Variants in NFIX observed in about 807,000 individuals in gnomAD.
NFIX encodes the protein nuclear factor 1 X-type.
Under a neutral mutation model 53.3 loss-of-function variants are expected in NFIX, and 2 were observed. The observed-to-expected ratio is 0.04, with a 90% CI of 0.02 to 0.12. The LOEUF is 0.12. NFIX is among the 10% of genes least tolerant of loss of function. NFIX has a pLI of 1.00. For synonymous variants in NFIX, 244 were observed against 289.0 expected (o/e 0.84, Z 1.58); for missense variants, 310 against 674.5 (o/e 0.46, Z 5.99).
chr19:13,080,825 C>G (rs538033579), intron 7 of NFIX, among the ~76,000 whole-genome samples: 1 of 150,794 alleles, frequency 6.6e-6, no homozygotes, highest in African/African-American at 2.4e-5. Context: ...ACGGTGAAAC[C>G]CTGTCTCTAC....
At chr19:13,074,462 TC>T (rs1391289607) in intron 5 of NFIX, among the ~76,000 whole-genome samples, 1 of 152,192 alleles carries the variant, frequency 6.6e-6, no homozygotes, top group African/African-American at 2.4e-5. Context: ...TTAGACTTCA[TC>T]CCTGGGTAGT....
chr19:13,085,069 CAAA>C (rs555726363), intron 8 of NFIX, among the ~76,000 whole-genome samples: 3 of 54,934 alleles, frequency 5.5e-5, no homozygotes, highest in African/African-American at 1.9e-4. Flanking sequence ...GACTCCATCT[CAAA>C]AAAAAAAAAA....
At chr19:13,082,879 C>G (rs1003284631) in intron 8 of NFIX, among the ~76,000 whole-genome samples, 2 of 152,378 alleles carry the variant, frequency 1.3e-5, no homozygotes, top group African/African-American at 2.4e-5. Flanking sequence ...GAAGCCCACA[C>G]CAGAGGCTGC....
In NFIX at chr19:13,052,697, G is replaced by C. The variant is rs1482633091; in HGVS notation, c.560-20350G>C. Among the ~76,000 whole-genome samples, 3 of 152,122 alleles carry C rather than the reference G, an allele frequency of 2.0e-5. No homozygotes were observed. Among genetic ancestry groups the C allele is most frequent in the African/African-American group, 7.2e-5 (3 of 41,398 alleles). ...CTTAACCCTGCCGATTCCATATACT[G>C]TGCTCATCTCGACCCAGTTGAGGCT... On this transcript the variant is annotated intron_variant, in intron 2 of 10. Transcript: ENST00000592199. The surrounding 1 kb of genome is among the most constrained non-coding windows in gnomAD (Gnocchi z 5.2).
chr19:13,086,817 T>A (rs1315438101), intron 8 of NFIX, among the ~76,000 whole-genome samples: 2 of 152,174 alleles, frequency 1.3e-5, no homozygotes, highest in African/African-American at 4.8e-5. Flanking sequence ...GGGAGCCCCA[T>A]ACACCAGCTC....
rs575732539 is a variant in NFIX, at chr19:13,078,844, C to G, written c.1078+109C>G. ...GCTGACCCCGAGTGACAGCCCCACG[C>G]TCTCCAAGTGGGCCAAGGTGCAGCA... On this transcript the variant is annotated intron_variant, in intron 7 of 10. Transcript: ENST00000592199. This position sits in a 1 kb window ranked among gnomAD's most constrained non-coding sequence, Gnocchi z 4.7. 2.8e-5 allele frequency: 37 copies of G among 1,300,866 alleles called. No homozygotes were observed. Among genetic ancestry groups the G allele is most frequent in the Non-Finnish European group, 3.7e-5 (36 of 965,956 alleles). The allele number at this position is 1,300,866 out of a possible 1,614,324, so 80.6% of individuals were successfully genotyped here. A position where few individuals can be genotyped will look rare whatever the true frequency, so the allele number is the denominator to read the frequency against.
At chr19:12,999,470 C>T (rs2011594948) in intron 1 of NFIX, among the ~76,000 whole-genome samples, 1 of 142,736 alleles carries the variant, frequency 7.0e-6, no homozygotes, top group Non-Finnish European at 1.5e-5. Flanking sequence ...CTGCACCCGG[C>T]CACAAATACC....
In NFIX at chr19:13,012,933, T is replaced by C. The variant is rs539164323; in HGVS notation, c.28-12088T>C. Among the ~76,000 whole-genome samples the C allele has an allele frequency of 6.7e-6, 1 of 148,710 alleles. No individual in the cohort carries two copies. Among genetic ancestry groups the C allele is most frequent in the South Asian group, 2.2e-4 (1 of 4,580 alleles). On this transcript the variant is annotated intron_variant, in intron 1 of 10. Transcript: ENST00000592199. This position sits in a 1 kb window ranked among gnomAD's most constrained non-coding sequence, Gnocchi z 5.0. ...AAATTTACCAGGGGAGATTTTTGTT[T>C]CCAGGGTTGGCTGGGTTTGGGGGAT...
chr19:13,078,741 A>C lies in NFIX; in HGVS notation c.1078+6A>C. The C allele has an allele frequency of 6.3e-7, 1 of 1,596,984 alleles. No homozygotes were observed. The highest frequency in any genetic ancestry group is 8.5e-7 in the Non-Finnish European group (1 of 1,172,562). On this transcript the variant is annotated splice_donor_region_variant and intron_variant, in intron 7 of 10. Coordinates refer to ENST00000592199, the MANE Select transcript of NFIX (RefSeq NM_001365902.3). This position sits in a 1 kb window ranked among gnomAD's most constrained non-coding sequence, Gnocchi z 4.7. ...GCTTGCTGGAGTCAGACCAGGTGAG[A>C]AATGGGGGGCCCCGGAGGGGGGCAG...
In NFIX at chr19:13,002,007, T is replaced by C. The variant is rs562684212; in HGVS notation, c.27+6143T>C. ...CTGTCTGCCCGGCGCACATTGATCT[T>C]GGCTTCTGCCTGTGTCCGTTCTAGC... is the stretch of plus-strand genomic sequence containing the variant. On this transcript the variant is annotated intron_variant, in intron 1 of 10. Coordinates refer to ENST00000592199, the MANE Select transcript of NFIX (RefSeq NM_001365902.3). This position sits in a 1 kb window ranked among gnomAD's most constrained non-coding sequence, Gnocchi z 6.1. Among the ~76,000 whole-genome samples the C allele has an allele frequency of 2.0e-5, 3 of 152,230 alleles. No homozygotes were observed. The South Asian group carries it at 6.2e-4, about 32-fold the overall frequency.
rs532642827 is a variant in NFIX, at chr19:13,013,599, T to A, written c.28-11422T>A. The A allele has an allele frequency of 8.6e-5, 13 of 151,720 alleles. No individual in the cohort carries two copies. Among genetic ancestry groups the A allele is most frequent in the African/African-American group, 2.4e-4 (10 of 41,338 alleles). 9.4% of individuals were successfully genotyped at this position (151,720 alleles called of 1,614,324 possible). Reference sequence around the variant, plus strand: ...CCCGCCCCAAGCTCCCAGACCACACTTAGCTTTTTTTTTCCCCCCTTACTC... The same window carrying A: ...CCCGCCCCAAGCTCCCAGACCACACATAGCTTTTTTTTTCCCCCCTTACTC... On this transcript the variant is annotated intron_variant, in intron 1 of 10. Coordinates refer to ENST00000592199, the MANE Select transcript of NFIX (RefSeq NM_001365902.3). The surrounding 1 kb of genome is among the most constrained non-coding windows in gnomAD (Gnocchi z 5.9).
At position 13,052,766 on chromosome 19, in the gene NFIX, G is replaced by A. The variant is rs1011239329; in HGVS notation, c.560-20281G>A. Among the ~76,000 whole-genome samples the A allele has an allele frequency of 3.9e-5, 6 of 152,178 alleles. No individual in the cohort carries two copies. Among genetic ancestry groups the A allele is most frequent in the African/African-American group, 1.2e-4 (5 of 41,432 alleles). The stretch of plus-strand genomic sequence containing the variant: ...GAACGGCTCGGCTCCAGGGCCGTGA[G>A]GTTGGCACCCCCTGCACCCGTCCAC... On this transcript the variant is annotated intron_variant, in intron 2 of 10. Transcript: ENST00000592199. The surrounding 1 kb of genome is among the most constrained non-coding windows in gnomAD (Gnocchi z 5.2).
chr19:13,031,167 C>T (rs2013773132), intron 2 of NFIX, among the ~76,000 whole-genome samples: 1 of 152,212 alleles, frequency 6.6e-6, no homozygotes, highest in South Asian at 2.1e-4. Context: ...TAGTGCTGTC[C>T]ACCCAACCAG....
chr19:13,093,697 C>G lies in NFIX; in HGVS notation c.1495-938C>G, dbSNP rs1244373200. Among the ~76,000 whole-genome samples the G allele has an allele frequency of 6.6e-6, 1 of 152,226 alleles. No individual in the cohort carries two copies. The highest frequency in any genetic ancestry group is 1.5e-5 in the Non-Finnish European group (1 of 68,032). On this transcript the variant is annotated intron_variant, in intron 10 of 10. Transcript: ENST00000592199. The surrounding 1 kb of genome is among the most constrained non-coding windows in gnomAD (Gnocchi z 4.7). Reference sequence around the variant, plus strand: ...TTGGCTCCGCCTGGCCCCTGCAGACCAGAGTCTGTGACAGCCTGGGAGAGG... The same window carrying G: ...TTGGCTCCGCCTGGCCCCTGCAGACGAGAGTCTGTGACAGCCTGGGAGAGG...
In NFIX at chr19:13,094,700, G is replaced by A. The variant is rs570936824; in HGVS notation, c.*51G>A. The A allele has an allele frequency of 6.6e-6, 10 of 1,521,624 alleles. No homozygotes were observed. Among genetic ancestry groups the A allele is most frequent in the Admixed American group, 5.9e-5 (3 of 50,782 alleles). The allele number at this position is 1,521,624 out of a possible 1,614,324, so 94.3% of individuals were successfully genotyped here. Reference sequence around the variant, plus strand: ...ATGAGAAGAAGAGGTTCCTCGAAAGGGGGGAGAAGAAATTTTGAGAATGGA... The same window carrying A: ...ATGAGAAGAAGAGGTTCCTCGAAAGAGGGGAGAAGAAATTTTGAGAATGGA... On this transcript the variant is annotated 3_prime_UTR_variant, in exon 11 of 11. Coordinates refer to ENST00000592199, the MANE Select transcript of NFIX (RefSeq NM_001365902.3). The surrounding 1 kb of genome is among the most constrained non-coding windows in gnomAD (Gnocchi z 4.3).
rs1004622569 is a variant in NFIX, at chr19:13,021,714, A to G, written c.28-3307A>G. On this transcript the variant is annotated intron_variant, in intron 1 of 10. Transcript: ENST00000592199. The surrounding 1 kb of genome is among the most constrained non-coding windows in gnomAD (Gnocchi z 4.2). ...TTACTGTGTTTCGAAGGCCTCAAGCATGGCTGCTCCATAGCTCTAACTGGA... is the reference window on the plus strand; with the variant it reads ...TTACTGTGTTTCGAAGGCCTCAAGCGTGGCTGCTCCATAGCTCTAACTGGA... 1.3e-5 allele frequency among the ~76,000 whole-genome samples: 2 copies of G among 152,024 alleles called. No individual in the cohort carries two copies. The highest frequency in any genetic ancestry group is 2.4e-5 in the African/African-American group (1 of 41,364).
chr19:13,092,780 GCCCAGGAGCTGGCTGCGGGCCGGTTCT>G (rs2018220495), intron 10 of NFIX, among the ~76,000 whole-genome samples: 1 of 152,246 alleles, frequency 6.6e-6, no homozygotes, highest in Non-Finnish European at 1.5e-5. Flanking sequence ...TGGGCCAGAA[GCCCAGGAGCTGGCTGCGGGCCGGTTCT>G]CCCCCACCCA....
intron 2 of NFIX, among the ~76,000 whole-genome samples, chr19:13,061,667 G>A (rs2016103017): frequency 6.6e-6 from 1 of 152,256 alleles, no homozygotes; most frequent in South Asian, 2.1e-4. Context: ...TGGTCCTTCA[G>A]GGAGCTATGA....
In NFIX at chr19:13,073,620, T is replaced by A; in HGVS notation, c.697+124T>A. The A allele has an allele frequency of 1.1e-6, 1 of 911,078 alleles. No individual in the cohort carries two copies. Among genetic ancestry groups the A allele is most frequent in the Admixed American group, 2.0e-5 (1 of 51,164 alleles). 56.4% of individuals were successfully genotyped at this position (911,078 alleles called of 1,614,324 possible). ...TGGGAACAGATGCTTTCTGGGACAC[T>A]CTCGGCTTCACTGGTGCTGGGCTGG... On this transcript the variant is annotated intron_variant, in intron 4 of 10. Transcript: ENST00000592199. This position sits in a 1 kb window ranked among gnomAD's most constrained non-coding sequence, Gnocchi z 4.5.
Sources: allele counts gnomAD v4.1 joint callset (sites outside exome capture counted in the v4.1 genomes callset), GRCh38; gene constraint gnomAD v4.1.1; non-coding constraint Gnocchi (gnomAD v3.1); transcripts MANE v1.5; gene names NCBI Gene and HGNC (gene_info 2026-07-23, HGNC 2026-07-21).